The following GRAMD1A variants were observed in gnomAD, a reference collection of about 807,000 sequenced individuals.
The protein encoded by GRAMD1A is GRAM domain containing 1A.
GRAMD1A carries 50 observed loss-of-function variants against 92.0 expected under a neutral mutation model. The ratio of observed to expected loss-of-function variants is 0.54; its 90% CI spans 0.43 to 0.69. The LOEUF is 0.69. Ranked by LOEUF, GRAMD1A falls within the 30% of genes least tolerant of loss-of-function variation. The probability of loss-of-function intolerance (pLI) is 0.00; values close to 1 mark genes in which losing one functional copy is unlikely to be tolerated. For synonymous variants in GRAMD1A, 405 were observed against 403.6 expected (o/e 1.00, Z -0.04); for missense variants, 819 against 978.9 (o/e 0.84, Z 2.18).
chr19:35,023,634 T>C, intron 19 of GRAMD1A, 87 bp downstream of exon 19: 2 of 1,273,068 alleles, frequency 1.6e-6, no homozygotes, highest in Non-Finnish European at 2.1e-6. Context: ...GCACTTCCCC[T>C]CTCCGGATCT....
intron 16 of GRAMD1A, among the ~76,000 whole-genome samples, chr19:35,022,667 G>C (rs879829767): frequency 6.6e-6 from 1 of 152,132 alleles, no homozygotes; most frequent in Non-Finnish European, 1.5e-5. Context: ...AGGAGTTGGC[G>C]GGCAGGACGC....
In GRAMD1A at chr19:35,026,115, C is replaced by A; in HGVS notation, c.2149C>A (p.Pro717Thr). 6.3e-7 allele frequency: 1 copy of A among 1,593,218 alleles called. No individual in the cohort carries two copies. Among genetic ancestry groups the A allele is most frequent in the East Asian group, 2.2e-5 (1 of 44,776 alleles). The change falls in exon 20 of 20, where the codon CCC becomes ACC. Residue 717 changes from proline to threonine, a missense_variant. This residue lies in a region of GRAMD1A where 577 missense variants were observed against 674.6 expected (regional missense o/e 0.86). Coordinates refer to ENST00000317991, the MANE Select transcript of GRAMD1A (RefSeq NM_020895.5). ...CTCAGACCCTCCCTTTGACACCCAG[C>A]CCCGGCCCGATGACAGCTTTTCCTG... ...TVSDPPFDTQ[P>T]RPDDSFS
chr19:34,999,861 AG>A (rs1209750884), upstream of GRAMD1A: 2 of 184,812 alleles, frequency 1.1e-5, no homozygotes, highest in Non-Finnish European at 2.0e-5. Context: ...AGACTGGGAG[AG>A]GGAAGGAGGA....
upstream of GRAMD1A, among the ~76,000 whole-genome samples, chr19:34,997,393 A>AAAC (rs1426012765): frequency 1.8e-4 from 28 of 151,470 alleles, no homozygotes; most frequent in African/African-American, 6.5e-4. Context: ...AAAAACAAAA[A>AAAC]AAAAAAAAAA....
chr19:35,025,562 A>G (rs1045007581), intron 19 of GRAMD1A, among the ~76,000 whole-genome samples: 3 of 152,162 alleles, frequency 2.0e-5, no homozygotes, highest in Admixed American at 6.5e-5. Flanking sequence ...GGTTTTATAC[A>G]TAGGTAGGCG....
intron 1 of GRAMD1A, among the ~76,000 whole-genome samples, chr19:35,006,188 G>C (rs537488921): frequency 1.9e-4 from 29 of 152,296 alleles, no homozygotes; most frequent in Admixed American, 3.9e-4. Flanking sequence ...TGGGCATGGT[G>C]GTGGGTGCCT....
At chr19:35,001,620 T>G (rs1241818166) in intron 1 of GRAMD1A, among the ~76,000 whole-genome samples, 2 of 152,018 alleles carry the variant, frequency 1.3e-5, no homozygotes, top group Admixed American at 6.6e-5. Flanking sequence ...TTTTTTTTTT[T>G]CTTTTGAAAT....
intron 1 of GRAMD1A, chr19:35,002,895 C>A (rs916729861): frequency 6.6e-6 from 1 of 152,388 alleles, no homozygotes; most frequent in Non-Finnish European, 1.5e-5. Flanking sequence ...TTTGCTGAGA[C>A]TTCCTCGTGG....
At chr19:35,014,596 C>T (rs547376719) in intron 10 of GRAMD1A, 31 of 593,904 alleles carry the variant, frequency 5.2e-5, no homozygotes, top group African/African-American at 3.7e-4. Context: ...GGCAGCTTGC[C>T]GCGGTTCACA....
At chr19:35,017,644 C>T (rs992811722) in intron 11 of GRAMD1A, among the ~76,000 whole-genome samples, 7 of 152,090 alleles carry the variant, frequency 4.6e-5, no homozygotes, top group Non-Finnish European at 5.9e-5. Flanking sequence ...GGCCTCCAGC[C>T]TCAGGGCCTT....
At position 35,014,323 on chromosome 19, in the gene GRAMD1A, TCTG is replaced by T; in HGVS notation, c.1010_1012del (p.Leu337del). 1 of 1,614,134 alleles carries T rather than the reference TCTG, an allele frequency of 6.2e-7. No homozygotes were observed. The highest frequency in any genetic ancestry group is 8.5e-7 in the Non-Finnish European group (1 of 1,180,006). ...GGCCCACCACCCTGGGCCCCTTGGA[TCTG>T]CTGCCCAGTGAGGAGCTATTGACAG... On this transcript the variant is annotated inframe_deletion, in exon 10 of 20. Transcript: ENST00000317991.
In GRAMD1A at chr19:35,026,076, C is replaced by T. The variant is rs748497384; in HGVS notation, c.2110C>T (p.Gln704Ter). The change falls in exon 20 of 20, where the codon CAA becomes TAA. Residue 704 changes from glutamine (Q) to a stop codon, truncating the protein, a stop_gained. Transcript: ENST00000317991. LOFTEE classifies it high-confidence loss of function. ...EMKFSLEKLH[Q>*]GITVSDPPFD... ...GAAGTTCTCGCTGGAGAAGCTGCAC[C>T]AAGGCATCACAGTCTCAGACCCTCC... The T allele has an allele frequency of 6.2e-7, 1 of 1,605,006 alleles. No individual in the cohort carries two copies. Among genetic ancestry groups the T allele is most frequent in the South Asian group, 1.1e-5 (1 of 90,896 alleles).
At chr19:35,002,893 G>C (rs1398742667) in intron 1 of GRAMD1A, 1 of 152,356 alleles carries the variant, frequency 6.6e-6, no homozygotes, top group Non-Finnish European at 1.5e-5. Flanking sequence ...TCTTTGCTGA[G>C]ACTTCCTCGT....
rs564148298 is a variant in GRAMD1A, at chr19:35,009,980, C to A, written c.325+8C>A. ...CAGAACGCCTCATTGTGGGTGAGTCCCGGACCCCCAGTCCCAGCTCCTAGC... is the reference window on the plus strand; with the variant it reads ...CAGAACGCCTCATTGTGGGTGAGTCACGGACCCCCAGTCCCAGCTCCTAGC... On this transcript the variant is annotated splice_region_variant and intron_variant, in intron 4 of 19. Coordinates refer to ENST00000317991, the MANE Select transcript of GRAMD1A (RefSeq NM_020895.5). 3 of 1,599,886 alleles carry A rather than the reference C, an allele frequency of 1.9e-6. No homozygotes were observed. The highest frequency in any genetic ancestry group is 2.2e-5 in the South Asian group (2 of 90,826).
intron 6 of GRAMD1A, 111 bp downstream of exon 6, chr19:35,010,490 C>A (rs1403338335): frequency 1.4e-6 from 1 of 737,232 alleles, no homozygotes; most frequent in Admixed American, 2.1e-5. Context: ...CCGAGCTGTC[C>A]CCTTCTCTCT....
chr19:35,005,308 G>A (rs1230068210), intron 1 of GRAMD1A, among the ~76,000 whole-genome samples: 2 of 115,760 alleles, frequency 1.7e-5, no homozygotes, highest in South Asian at 3.2e-4. Context: ...GAGGGGGATC[G>A]GGAGGCGGGG....
Position 35,013,104 on chromosome 19 carries a change from C to G in GRAMD1A, c.607-152C>G, listed in dbSNP as rs1170826769. ...GGAGGGGCTGTAGCAGGGGATTCCC[C>G]GCTTGCTGAGGCCAGGTCTGGTGCG... On this transcript the variant is annotated intron_variant, in intron 7 of 19. Coordinates refer to ENST00000317991, the MANE Select transcript of GRAMD1A (RefSeq NM_020895.5). The surrounding 1 kb of genome is among the most constrained non-coding windows in gnomAD (Gnocchi z 4.9). The G allele has an allele frequency of 6.8e-6, 4 of 584,040 alleles. No homozygotes were observed. Among genetic ancestry groups the G allele is most frequent in the East Asian group, 2.8e-5 (1 of 35,968 alleles). The allele number at this position is 584,040 out of a possible 1,614,324, so 36.2% of individuals were successfully genotyped here.
At chr19:34,999,223 G>A (rs1400081885), upstream of GRAMD1A, among the ~76,000 whole-genome samples, 1 of 152,128 alleles carries the variant, frequency 6.6e-6, no homozygotes, top group Non-Finnish European at 1.5e-5. Flanking sequence ...CACAGTTTGT[G>A]ACGGATTGGA....
rs1555711008 is a variant in GRAMD1A, at chr19:35,000,410, CCCGCG to C, written c.-67_-63del. On this transcript the variant is annotated 5_prime_UTR_variant, in exon 1 of 20. Coordinates refer to ENST00000317991, the MANE Select transcript of GRAMD1A (RefSeq NM_020895.5). The surrounding 1 kb of genome is among the most constrained non-coding windows in gnomAD (Gnocchi z 4.9). ...GCGGGGACGCCCAGCGCAGCCCAGC[CCCGCG>C]CAGCCCAGCCCTGCCCTGCCCTGCC... 8.9e-7 allele frequency: 1 copy of C among 1,118,560 alleles called. No individual in the cohort carries two copies. The highest frequency in any genetic ancestry group is 1.1e-6 in the Non-Finnish European group (1 of 925,352). The allele number at this position is 1,118,560 out of a possible 1,614,324, so 69.3% of individuals were successfully genotyped here. A position where few individuals can be genotyped will look rare whatever the true frequency, so the allele number is the denominator to read the frequency against.
Sources: gnomAD v4.1 joint callset for allele counts (sites outside exome capture counted in the v4.1 genomes callset) on GRCh38, gnomAD v4.1.1 for gene constraint, gnomAD v4.1.1 regional missense constraint, Gnocchi (gnomAD v3.1) non-coding constraint, MANE v1.5 for transcripts, NCBI Gene and HGNC (gene_info 2026-07-23, HGNC 2026-07-21) for gene names.